The following ARSJ variants were observed in gnomAD, a reference collection of about 807,000 sequenced individuals.
ARSJ encodes arylsulfatase J.
Under a neutral mutation model 35.9 loss-of-function variants are expected in ARSJ, and 26 were observed. The ratio of observed to expected loss-of-function variants is 0.72; its 90% CI spans 0.53 to 1.00. The LOEUF is 1.00. Among genes scored for constraint, ARSJ ranks in the 50% least tolerant of loss-of-function variants. ARSJ has a pLI of 0.00. For missense variants in ARSJ, 667 were observed against 723.6 expected (o/e 0.92, Z 0.90); for synonymous variants, 294 against 267.6 (o/e 1.10, Z -0.96).
Position 113,978,857 on chromosome 4 carries a change from T to A in ARSJ, c.-23A>T, listed in dbSNP as rs781039868. ...CATTCACTCAGGTCCCAGGTGAGACTCCACGCGGAGAACCACGCGCCCCGC... is the reference window on the plus strand; with the variant it reads ...CATTCACTCAGGTCCCAGGTGAGACACCACGCGGAGAACCACGCGCCCCGC... On this transcript the variant is annotated 5_prime_UTR_variant, in exon 1 of 2. Coordinates refer to ENST00000315366, the MANE Select transcript of ARSJ (RefSeq NM_024590.4). The A allele has an allele frequency of 1.9e-6, 3 of 1,566,642 alleles. No homozygotes were observed. The Admixed American group carries it at 5.8e-5, about 30-fold the overall frequency.
At chr4:113,945,691 A>G (rs745501310) in intron 1 of ARSJ, among the ~76,000 whole-genome samples, 1 of 152,096 alleles carries the variant, frequency 6.6e-6, no homozygotes, top group Non-Finnish European at 1.5e-5. Context: ...CCGTTGCTAC[A>G]TTTACATATT....
chr4:113,955,206 T>C (rs1194023378), intron 1 of ARSJ, among the ~76,000 whole-genome samples: 4 of 151,942 alleles, frequency 2.6e-5, no homozygotes, highest in Non-Finnish European at 2.9e-5. Context: ...TCTCAGAGTT[T>C]CCATAGATCC....
chr4:113,962,717 TCTATC>T (rs1726632721), intron 1 of ARSJ, among the ~76,000 whole-genome samples: 1 of 152,038 alleles, frequency 6.6e-6, no homozygotes, highest in African/African-American at 2.4e-5. Context: ...ACCTGCATGA[TCTATC>T]CTCAACACAG....
intron 1 of ARSJ, among the ~76,000 whole-genome samples, chr4:113,943,859 A>G (rs1204462267): frequency 6.6e-6 from 1 of 152,064 alleles, no homozygotes. Context: ...GAACAGAATT[A>G]GGGAAGATGG....
intron 1 of ARSJ, among the ~76,000 whole-genome samples, chr4:113,909,031 T>C (rs1262264882): frequency 6.6e-6 from 1 of 152,084 alleles, no homozygotes; most frequent in Non-Finnish European, 1.5e-5. Flanking sequence ...TGATGGTGGC[T>C]TGGACTACCA....
chr4:113,954,348 T>C (rs1726038666), intron 1 of ARSJ, among the ~76,000 whole-genome samples: 2 of 152,090 alleles, frequency 1.3e-5, no homozygotes, highest in South Asian at 2.1e-4. Flanking sequence ...GCAAGGAATA[T>C]GAAATAGAAA....
At chr4:113,936,160 G>A (rs902562857) in intron 1 of ARSJ, among the ~76,000 whole-genome samples, 7 of 151,812 alleles carry the variant, frequency 4.6e-5, no homozygotes, top group Non-Finnish European at 7.4e-5. Context: ...TACAGTGCCC[G>A]ATGCATAGTG....
intron 1 of ARSJ, among the ~76,000 whole-genome samples, chr4:113,949,242 C>T (rs552774799): frequency 1.4e-4 from 22 of 151,950 alleles, no homozygotes; most frequent in African/African-American, 3.9e-4. Flanking sequence ...ATGTAGATGG[C>T]GGTTGATGGG....
chr4:113,946,025 A>C (rs1725458018), intron 1 of ARSJ, among the ~76,000 whole-genome samples: 1 of 151,694 alleles, frequency 6.6e-6, no homozygotes, highest in Admixed American at 6.6e-5. Context: ...TTTTTCCTTA[A>C]GAATTGCTTT....
At chr4:113,967,039 G>A (rs963507404) in intron 1 of ARSJ, among the ~76,000 whole-genome samples, 1 of 152,144 alleles carries the variant, frequency 6.6e-6, no homozygotes. Context: ...AGGCTCAGTT[G>A]GTTGGTAGGT....
Position 113,902,311 on chromosome 4 carries a change from G to A in ARSJ, c.1763C>T (p.Ser588Leu). The A allele has an allele frequency of 6.2e-7, 1 of 1,612,694 alleles. No individual in the cohort carries two copies. Among genetic ancestry groups the A allele is most frequent in the Non-Finnish European group, 8.5e-7 (1 of 1,179,998 alleles). ...KKKKKQQKAV[S>L]GSTCHSGVTC... Reference sequence around the variant, plus strand: ...AACACCTGAATGGCAAGTTGAACCTGAGACTGCTTTCTGCTGTTTCTTCTT... The same window carrying A: ...AACACCTGAATGGCAAGTTGAACCTAAGACTGCTTTCTGCTGTTTCTTCTT... The change falls in exon 2 of 2, where the codon TCA becomes TTA. Residue 588 changes from serine to leucine, a missense_variant. Transcript: ENST00000315366.
intron 1 of ARSJ, chr4:113,906,553 T>G: frequency 9.5e-6 from 2 of 210,260 alleles, no homozygotes; most frequent in East Asian, 1.4e-4. Flanking sequence ...AGGGAAGAGG[T>G]TTTCAGAGCA....
At chr4:113,944,559 G>A (rs1373916429) in intron 1 of ARSJ, among the ~76,000 whole-genome samples, 2 of 152,030 alleles carry the variant, frequency 1.3e-5, no homozygotes, top group African/African-American at 2.4e-5. Context: ...CTAGAAACGG[G>A]CAAAAGAGAT....
intron 1 of ARSJ, among the ~76,000 whole-genome samples, chr4:113,974,232 A>C (rs1270603615): frequency 6.6e-6 from 1 of 152,146 alleles, no homozygotes; most frequent in South Asian, 2.1e-4. Flanking sequence ...AGAATCTCTT[A>C]AATAGGACAT....
At chr4:113,955,569 A>T (rs1726126160) in intron 1 of ARSJ, among the ~76,000 whole-genome samples, 1 of 152,040 alleles carries the variant, frequency 6.6e-6, no homozygotes, top group South Asian at 2.1e-4. Flanking sequence ...CAAGCACTAA[A>T]TCCATATGGG....
intron 1 of ARSJ, among the ~76,000 whole-genome samples, chr4:113,976,973 T>C (rs577344161): frequency 7.9e-5 from 12 of 152,346 alleles, no homozygotes; most frequent in African/African-American, 2.4e-4. Context: ...CTTGAACATA[T>C]GCTTTATTGT....
intron 1 of ARSJ, among the ~76,000 whole-genome samples, chr4:113,947,603 G>A (rs1213569581): frequency 7.7e-6 from 1 of 130,684 alleles, no homozygotes; most frequent in Non-Finnish European, 1.7e-5. Flanking sequence ...GAGAGAGGGA[G>A]AGAGAGGGAG....
chr4:113,978,367 T>C lies in ARSJ; in HGVS notation c.398+70A>G. On this transcript the variant is annotated intron_variant, in intron 1 of 1. Coordinates refer to ENST00000315366, the MANE Select transcript of ARSJ (RefSeq NM_024590.4). ...CATACTTTCTGTTACTCCCTTAAATTTGGAGCTGGATCTTCATTAAATGCT... is the reference window on the plus strand; with the variant it reads ...CATACTTTCTGTTACTCCCTTAAATCTGGAGCTGGATCTTCATTAAATGCT... 5 of 1,411,622 alleles carry C rather than the reference T, an allele frequency of 3.5e-6. 1 individual carries two copies. In the South Asian group the frequency reaches 6.9e-5, roughly 20 times the overall value. 87.4% of individuals were successfully genotyped at this position (1,411,622 alleles called of 1,614,324 possible). A position where few individuals can be genotyped will look rare whatever the true frequency, so the allele number is the denominator to read the frequency against.
intron 1 of ARSJ, among the ~76,000 whole-genome samples, chr4:113,965,067 G>A (rs1726806278): frequency 6.6e-6 from 1 of 151,604 alleles, no homozygotes; most frequent in South Asian, 2.1e-4. Context: ...TAAATGCCTT[G>A]TGGCATCTAC....
Sources: allele counts gnomAD v4.1 joint callset (sites outside exome capture counted in the v4.1 genomes callset), GRCh38; gene constraint gnomAD v4.1.1; transcripts MANE v1.5; gene names NCBI Gene and HGNC (gene_info 2026-07-23, HGNC 2026-07-21).